EIF2AK4: variants seen among roughly 807,000 people sequenced by gnomAD.
The protein encoded by EIF2AK4 is eIF-2-alpha kinase GCN2.
Under a neutral mutation model 211.1 loss-of-function variants are expected in EIF2AK4, and 139 were observed. That is an observed-to-expected ratio of 0.66 (90% CI 0.57 to 0.76). EIF2AK4 has a LOEUF of 0.76. Among genes scored for constraint, EIF2AK4 ranks in the 30% least tolerant of loss-of-function variants. The pLI is 0.00. For missense variants in EIF2AK4, 1,664 were observed against 2,043.8 expected (o/e 0.81, Z 3.58); for synonymous variants, 710 against 751.3 (o/e 0.94, Z 0.90).
Position 39,949,278 on chromosome 15 carries a change from C to A in EIF2AK4, c.513+10C>A. The A allele has an allele frequency of 6.2e-7, 1 of 1,613,112 alleles. No individual in the cohort carries two copies. The highest frequency in any genetic ancestry group is 8.5e-7 in the Non-Finnish European group (1 of 1,179,330). On this transcript the variant is annotated intron_variant, in intron 4 of 38. Transcript: ENST00000263791. Reference sequence around the variant, plus strand: ...GAAAGAAGAGCAGGAGGTGAGATGCCCTTGTCGATGTCTGTGTGCATGGCC... The same window carrying A: ...GAAAGAAGAGCAGGAGGTGAGATGCACTTGTCGATGTCTGTGTGCATGGCC...
chr15:39,942,465 A>T (rs967800947), intron 2 of EIF2AK4, among the ~76,000 whole-genome samples: 1 of 152,180 alleles, frequency 6.6e-6, no homozygotes, highest in African/African-American at 2.4e-5. Flanking sequence ...ACCCTTTCAT[A>T]CTGAAGCATT....
chr15:40,032,426 C>T (rs993402663), intron 36 of EIF2AK4, among the ~76,000 whole-genome samples, 189 bp downstream of exon 36: 1 of 152,164 alleles, frequency 6.6e-6, no homozygotes, highest in African/African-American at 2.4e-5. Context: ...TGTTTCTCCT[C>T]TTTGTTCCTC....
At chr15:40,016,928 G>T (rs1017150220) in intron 28 of EIF2AK4, among the ~76,000 whole-genome samples, 180 bp from the exon 29 acceptor site, 2 of 152,296 alleles carry the variant, frequency 1.3e-5, no homozygotes, top group Non-Finnish European at 1.5e-5. Context: ...AAAGAGAAGA[G>T]AATTTATTTT....
At chr15:39,935,623 G>A (rs1276868626) in intron 1 of EIF2AK4, among the ~76,000 whole-genome samples, 4 of 152,166 alleles carry the variant, frequency 2.6e-5, no homozygotes, top group East Asian at 1.9e-4. Flanking sequence ...GGGCCACCGC[G>A]CCTGGCCTCT....
At chr15:40,021,801 G>A (rs1032464258) in intron 31 of EIF2AK4, 1 of 152,514 alleles carries the variant, frequency 6.6e-6, no homozygotes, top group Admixed American at 6.5e-5. Flanking sequence ...AGGTGCCCCA[G>A]AGCATGGCGA....
intron 6 of EIF2AK4, among the ~76,000 whole-genome samples, chr15:39,957,290 G>A (rs567497861): frequency 1.3e-5 from 2 of 152,246 alleles, no homozygotes; most frequent in East Asian, 1.9e-4. Flanking sequence ...GAGATAGCAC[G>A]CTGGGCACGG....
rs1566984642 is a variant in EIF2AK4 at position 39,955,657 on chromosome 15, ATACCTC to A, written c.635_640del (p.Thr212_Ser213del). 6.2e-7 allele frequency: 1 copy of A among 1,611,016 alleles called. No individual in the cohort carries two copies. The highest frequency in any genetic ancestry group is 8.5e-7 in the Non-Finnish European group (1 of 1,179,184). On this transcript the variant is annotated inframe_deletion, in exon 6 of 39. Coordinates refer to ENST00000263791, the MANE Select transcript of EIF2AK4 (RefSeq NM_001013703.4). ...ATTGCTAGTTTGTCAAACCAAGATC[ATACCTC>A]TAAGAAGGACCCAGGAGGACACAGA...
At chr15:39,999,637 T>C (rs1384354400) in intron 20 of EIF2AK4, among the ~76,000 whole-genome samples, 4 of 152,226 alleles carry the variant, frequency 2.6e-5, no homozygotes, top group African/African-American at 9.6e-5. Flanking sequence ...TTATTTATAT[T>C]AGCACTAACA....
At chr15:39,996,378 T>C (rs1167999533) in intron 18 of EIF2AK4, among the ~76,000 whole-genome samples, 1 of 152,220 alleles carries the variant, frequency 6.6e-6, no homozygotes, top group Non-Finnish European at 1.5e-5. Context: ...TGGTTTTCTA[T>C]GTCTGTGGAT....
chr15:39,948,940 CT>C (rs1322902902), intron 3 of EIF2AK4, among the ~76,000 whole-genome samples, 175 bp from the exon 4 acceptor site: 4 of 152,018 alleles, frequency 2.6e-5, no homozygotes. Flanking sequence ...CCTTTAAAAG[CT>C]TTTTCCTGCT....
At chr15:40,013,973 T>C (rs750561528) in intron 27 of EIF2AK4, among the ~76,000 whole-genome samples, 19 of 152,260 alleles carry the variant, frequency 1.2e-4, no homozygotes, top group Admixed American at 2.6e-4. Context: ...AGTGAGTTAC[T>C]TCCTGGATAC....
rs369548103 is a variant in EIF2AK4 at position 39,955,639 on chromosome 15, G to A, written c.614G>A (p.Ser205Asn). Residue 205 changes from serine (S) to asparagine (N), a missense_variant, in exon 6 of 39, where the codon AGT (serine) becomes AAT (asparagine). Ser to Asn is a conservative substitution (Grantham distance 46). This residue lies in a region of EIF2AK4 where 641 missense variants were observed against 729.6 expected (regional missense o/e 0.88). Transcript: ENST00000263791. ...MAKQERLEIA[S>N]LSNQDHTSKK... ...TTCTAGGAACGTTTGGAAATTGCTA[G>A]TTTGTCAAACCAAGATCATACCTCT... 24 of 1,607,866 alleles carry A rather than the reference G, an allele frequency of 1.5e-5. No homozygotes were observed. The African/African-American group carries it at 3.2e-4, about 22-fold the overall frequency.
chr15:40,030,499 C>A, intron 35 of EIF2AK4, 43 bp downstream of exon 35: 1 of 1,523,396 alleles, frequency 6.6e-7, no homozygotes. Flanking sequence ...ATATGAGTTA[C>A]AGAAGAGAAA....
chr15:39,974,506 A>G (rs1403865795), intron 11 of EIF2AK4: 1 of 152,210 alleles, frequency 6.6e-6, no homozygotes, highest in Non-Finnish European at 1.5e-5. Flanking sequence ...AAACTTTTAC[A>G]CTAAAAAAGG....
In EIF2AK4 at chr15:40,035,146, T is replaced by G; in HGVS notation, c.*62T>G. The G allele has an allele frequency of 1.7e-6, 2 of 1,207,074 alleles. No individual in the cohort carries two copies. Among genetic ancestry groups the G allele is most frequent in the Non-Finnish European group, 2.3e-6 (2 of 878,770 alleles). The allele number at this position is 1,207,074 out of a possible 1,614,324, so 74.8% of individuals were successfully genotyped here. A position where few individuals can be genotyped will look rare whatever the true frequency, so the allele number is the denominator to read the frequency against. The stretch of plus-strand genomic sequence containing the variant: ...AGAGGCTTATACTGGAATAATGGAA[T>G]GTTGTACATTCATCATAATTTAAAA... On this transcript the variant is annotated 3_prime_UTR_variant, in exon 39 of 39. Transcript: ENST00000263791.
At chr15:39,960,971 G>A (rs886389226) in intron 6 of EIF2AK4, among the ~76,000 whole-genome samples, 5 of 152,154 alleles carry the variant, frequency 3.3e-5, no homozygotes, top group Non-Finnish European at 4.4e-5. Context: ...GTCCATGCAC[G>A]TCATCGAAGT....
intron 6 of EIF2AK4, among the ~76,000 whole-genome samples, chr15:39,960,603 C>G (rs1260165839): frequency 6.6e-6 from 1 of 151,908 alleles, no homozygotes; most frequent in Non-Finnish European, 1.5e-5. Context: ...AGTAATGTGA[C>G]TATGAGGAAC....
intron 13 of EIF2AK4, among the ~76,000 whole-genome samples, chr15:39,980,661 C>T (rs1192205653): frequency 1.3e-5 from 2 of 152,140 alleles, no homozygotes; most frequent in Non-Finnish European, 2.9e-5. Flanking sequence ...AATTATTCTA[C>T]TATTGGGGAC....
intron 13 of EIF2AK4, among the ~76,000 whole-genome samples, chr15:39,981,651 C>G (rs7165284): frequency 6.0e-5 from 9 of 151,230 alleles, no homozygotes; most frequent in African/African-American, 2.2e-4. Context: ...CAAAAAAATT[C>G]TTCCTCAGAA....
Sources: gnomAD v4.1 joint callset for allele counts (sites outside exome capture counted in the v4.1 genomes callset) on GRCh38, gnomAD v4.1.1 for gene constraint, gnomAD v4.1.1 regional missense constraint, MANE v1.5 for transcripts, NCBI Gene and HGNC (gene_info 2026-07-23, HGNC 2026-07-21) for gene names.